The following SYN3 variants were observed in gnomAD, a reference collection of about 807,000 sequenced individuals.
The protein encoded by SYN3 is synapsin-3.
In SYN3, 35 loss-of-function variants were observed where a neutral mutation model predicts 65.8. The ratio of observed to expected loss-of-function variants is 0.53; its 90% CI spans 0.41 to 0.70. SYN3 has a LOEUF of 0.70. Ranked by LOEUF, SYN3 falls within the 30% of genes least tolerant of loss-of-function variation. The pLI is 0.00. For synonymous variants in SYN3, 270 were observed against 292.9 expected (o/e 0.92, Z 0.80); for missense variants, 680 against 749.0 (o/e 0.91, Z 1.08).
At chr22:32,641,014 G>C (rs1376708481) in intron 6 of SYN3, among the ~76,000 whole-genome samples, 1 of 152,220 alleles carries the variant, frequency 6.6e-6, no homozygotes, top group African/African-American at 2.4e-5. Context: ...GTGTGCCTGG[G>C]CATTCGCCCA....
chr22:33,027,071 A>G (rs985078031), intron 1 of SYN3, among the ~76,000 whole-genome samples: 13 of 152,042 alleles, frequency 8.6e-5, no homozygotes, highest in Non-Finnish European at 5.9e-5. Context: ...CAGGAACTAA[A>G]TTTGAATCTG....
At chr22:32,550,364 TAAAA>T (rs34370251) in intron 7 of SYN3, among the ~76,000 whole-genome samples, 7 of 144,578 alleles carry the variant, frequency 4.8e-5, no homozygotes, top group East Asian at 2.0e-4. Context: ...TTAACCACAT[TAAAA>T]AAAAAAAAAA....
chr22:32,834,696 A>G (rs1033028706), intron 6 of SYN3, among the ~76,000 whole-genome samples: 1 of 152,182 alleles, frequency 6.6e-6, no homozygotes, highest in African/African-American at 2.4e-5. Context: ...GCCCTCCTTC[A>G]AAGAGGACAG....
chr22:32,722,645 C>T (rs1009097893), intron 6 of SYN3, among the ~76,000 whole-genome samples: 2 of 152,204 alleles, frequency 1.3e-5, no homozygotes, highest in Non-Finnish European at 1.5e-5. Flanking sequence ...TCCACCCGTA[C>T]CCAGATGCCT....
At chr22:32,931,514 T>G in intron 3 of SYN3, 33 bp from the exon 4 acceptor site, 7 of 1,478,432 alleles carry the variant, frequency 4.7e-6, no homozygotes, top group Non-Finnish European at 6.6e-6. Context: ...AAAGGATTCA[T>G]CAAATACCAA....
intron 6 of SYN3, among the ~76,000 whole-genome samples, chr22:32,636,986 C>T (rs865977245): frequency 7.2e-5 from 11 of 152,170 alleles, no homozygotes; most frequent in Non-Finnish European, 1.5e-4. Context: ...CACCCTGTCC[C>T]GCCTCCACCA....
At chr22:32,784,238 T>C (rs1479027243) in intron 6 of SYN3, among the ~76,000 whole-genome samples, 1 of 152,202 alleles carries the variant, frequency 6.6e-6, no homozygotes, top group Non-Finnish European at 1.5e-5. Context: ...GCTTGTGATA[T>C]GCCTTTAACC....
At chr22:32,810,318 A>G (rs1423935734) in intron 6 of SYN3, among the ~76,000 whole-genome samples, 3 of 152,070 alleles carry the variant, frequency 2.0e-5, no homozygotes, top group Non-Finnish European at 4.4e-5. Flanking sequence ...ACTACCCAAC[A>G]CTCAAGTCTG....
intron 1 of SYN3, among the ~76,000 whole-genome samples, chr22:33,057,241 G>A (rs572293941): frequency 1.9e-4 from 29 of 152,230 alleles, no homozygotes; most frequent in African/African-American, 7.0e-4. Flanking sequence ...ATTCTTCCAC[G>A]GCCCTCCTTC....
intron 4 of SYN3, among the ~76,000 whole-genome samples, chr22:32,891,511 G>A: frequency 6.6e-6 from 1 of 152,152 alleles, no homozygotes; most frequent in Non-Finnish European, 1.5e-5. Context: ...CATTCTCTGA[G>A]GATTTATAGA....
intron 4 of SYN3, among the ~76,000 whole-genome samples, chr22:32,910,997 C>T (rs1208631133): frequency 6.6e-6 from 1 of 152,188 alleles, no homozygotes; most frequent in Non-Finnish European, 1.5e-5. Context: ...AACTGCATGG[C>T]TTGTGGTCTT....
At chr22:33,052,521 G>T (rs186769193) in intron 1 of SYN3, among the ~76,000 whole-genome samples, 156 of 151,888 alleles carry the variant, frequency 1.0e-3, no homozygotes, top group Non-Finnish European at 1.4e-3. Context: ...GATGTTTGTT[G>T]GAAGGAGAAG....
intron 6 of SYN3, among the ~76,000 whole-genome samples, chr22:32,832,718 A>T (rs970246643): frequency 1.3e-5 from 2 of 151,610 alleles, no homozygotes; most frequent in African/African-American, 4.9e-5. Flanking sequence ...AATACTTAAC[A>T]TGAGATATAC....
intron 6 of SYN3, among the ~76,000 whole-genome samples, chr22:32,663,760 C>T (rs911792459): frequency 6.6e-6 from 1 of 152,088 alleles, no homozygotes; most frequent in Non-Finnish European, 1.5e-5. Flanking sequence ...TAAAATTTTG[C>T]ATTGCACAAT....
At chr22:32,852,349 C>T (rs2048243242) in intron 6 of SYN3, among the ~76,000 whole-genome samples, 1 of 152,068 alleles carries the variant, frequency 6.6e-6, no homozygotes. Flanking sequence ...TCCCAGGGAA[C>T]AAAAAGAGGT....
intron 1 of SYN3, among the ~76,000 whole-genome samples, chr22:33,008,659 A>G (rs565269918): frequency 2.9e-4 from 44 of 152,276 alleles, no homozygotes; most frequent in African/African-American, 9.1e-4. Context: ...CACACCTGTA[A>G]TCCCAGAACT....
chr22:32,711,062 A>G (rs970072574), intron 6 of SYN3, among the ~76,000 whole-genome samples: 1 of 152,164 alleles, frequency 6.6e-6, no homozygotes, highest in Non-Finnish European at 1.5e-5. Context: ...CCACAGCTGT[A>G]GAGTGACTAA....
At chr22:32,517,630 TC>T (rs1412996611) in intron 13 of SYN3, among the ~76,000 whole-genome samples, 2 of 152,196 alleles carry the variant, frequency 1.3e-5, no homozygotes. Context: ...GAAATGTGAA[TC>T]TAACTGGGTA....
intron 6 of SYN3, among the ~76,000 whole-genome samples, chr22:32,730,618 C>A (rs1446907780): frequency 1.3e-5 from 2 of 152,170 alleles, no homozygotes; most frequent in Non-Finnish European, 2.9e-5. Flanking sequence ...GTATCCCGAC[C>A]TGAATGGTGT....
Sources: gnomAD v4.1 joint callset for allele counts (sites outside exome capture counted in the v4.1 genomes callset) on GRCh38, gnomAD v4.1.1 for gene constraint, MANE v1.5 for transcripts, NCBI Gene and HGNC (gene_info 2026-07-23, HGNC 2026-07-21) for gene names.